Variants in ERP44 observed in about 807,000 individuals in gnomAD.
ERP44 encodes the protein endoplasmic reticulum resident protein 44.
Under a neutral mutation model 53.4 loss-of-function variants are expected in ERP44, and 25 were observed. The ratio of observed to expected loss-of-function variants is 0.47; its 90% CI spans 0.34 to 0.65. ERP44 has a LOEUF of 0.65. Among genes scored for constraint, ERP44 ranks in the 30% least tolerant of loss-of-function variants. The pLI, the probability that ERP44 is intolerant of heterozygous loss-of-function variation, is 0.01. For synonymous variants in ERP44, 145 were observed against 161.2 expected (o/e 0.90, Z 0.76); for missense variants, 338 against 493.2 (o/e 0.69, Z 2.98).
intron 4 of ERP44, among the ~76,000 whole-genome samples, chr9:100,035,635 A>T (rs934603029): frequency 6.6e-6 from 1 of 152,210 alleles, no homozygotes; most frequent in African/African-American, 2.4e-5. Flanking sequence ...GGATTGTGCC[A>T]TTGCACTCCA....
At chr9:100,002,163 T>G (rs1230643927) in intron 10 of ERP44, among the ~76,000 whole-genome samples, 1 of 151,628 alleles carries the variant, frequency 6.6e-6, no homozygotes, top group Non-Finnish European at 1.5e-5. Context: ...TACTCTACCC[T>G]CCTCACATTT....
At chr9:100,018,228 C>G (rs1345125239) in intron 7 of ERP44, 28 bp downstream of exon 7, 1 of 1,340,312 alleles carries the variant, frequency 7.5e-7, no homozygotes, top group East Asian at 2.3e-5. Flanking sequence ...TATATCTTAT[C>G]ATACAACATT....
chr9:99,980,788 T>C lies in ERP44; in HGVS notation c.*1824A>G, dbSNP rs1830140932. ...AAGCCCAATATGCATGAATGCTAAG[T>C]AATACTTCCTCAAATCAACTCCCTT... On this transcript the variant is annotated 3_prime_UTR_variant, in exon 12 of 12. Coordinates refer to ENST00000262455, the MANE Select transcript of ERP44 (RefSeq NM_015051.3). 6.6e-6 allele frequency: 1 copy of C among 152,222 alleles called. No individual in the cohort carries two copies. The highest frequency in any genetic ancestry group is 1.5e-5 in the Non-Finnish European group (1 of 68,032). 9.4% of individuals were successfully genotyped at this position (152,222 alleles called of 1,614,324 possible).
intron 4 of ERP44, among the ~76,000 whole-genome samples, chr9:100,030,155 T>C (rs1384756808): frequency 6.6e-6 from 1 of 152,210 alleles, no homozygotes; most frequent in Non-Finnish European, 1.5e-5. Context: ...GCTCTGCCTA[T>C]GGAGTAGCCA....
intron 1 of ERP44, among the ~76,000 whole-genome samples, chr9:100,072,591 T>C (rs1404209514): frequency 1.3e-5 from 2 of 152,198 alleles, no homozygotes; most frequent in East Asian, 3.9e-4. Flanking sequence ...GGAGCGATCT[T>C]GGCTCACTGC....
At chr9:99,986,835 G>A (rs1445256137) in intron 10 of ERP44, among the ~76,000 whole-genome samples, 1 of 152,240 alleles carries the variant, frequency 6.6e-6, no homozygotes, top group East Asian at 1.9e-4. Context: ...ATGCACCAGA[G>A]ATAAACATTG....
intron 3 of ERP44, among the ~76,000 whole-genome samples, chr9:100,053,954 T>C (rs1016310333): frequency 6.6e-6 from 1 of 152,212 alleles, no homozygotes; most frequent in Non-Finnish European, 1.5e-5. Flanking sequence ...AATAAAAATA[T>C]TGGAAAGCCT....
chr9:100,026,581 A>G (rs984021878), intron 4 of ERP44, among the ~76,000 whole-genome samples: 1 of 152,264 alleles, frequency 6.6e-6, no homozygotes, highest in Non-Finnish European at 1.5e-5. Flanking sequence ...GTTACAAATT[A>G]AAACTCCCAG....
intron 10 of ERP44, among the ~76,000 whole-genome samples, chr9:99,992,423 T>C (rs916062710): frequency 6.6e-6 from 1 of 152,166 alleles, no homozygotes; most frequent in Non-Finnish European, 1.5e-5. Flanking sequence ...AACCACAGGA[T>C]TATCTCAATA....
chr9:100,060,076 C>T (rs1826126961), intron 2 of ERP44, 24 bp downstream of exon 2: 3 of 1,415,120 alleles, frequency 2.1e-6, no homozygotes, highest in African/African-American at 1.5e-5. Flanking sequence ...AAAGAGTACA[C>T]TTTAAAAATA....
chr9:100,090,874 T>G (rs1826547126), intron 1 of ERP44, among the ~76,000 whole-genome samples: 1 of 152,238 alleles, frequency 6.6e-6, no homozygotes, highest in African/African-American at 2.4e-5. Flanking sequence ...TAATCTATAT[T>G]CCTAATGACC....
chr9:100,013,244 C>G (rs1278677461), intron 8 of ERP44, among the ~76,000 whole-genome samples: 1 of 152,084 alleles, frequency 6.6e-6, no homozygotes, highest in Non-Finnish European at 1.5e-5. Context: ...TGAAATTATA[C>G]TCTTTCTTAA....
chr9:100,007,992 G>A (rs1171837566), intron 8 of ERP44, among the ~76,000 whole-genome samples: 1 of 152,184 alleles, frequency 6.6e-6, no homozygotes, highest in African/African-American at 2.4e-5. Context: ...TTAGGCTGTT[G>A]AATTCATGAC....
chr9:100,093,015 T>A (rs148355117), intron 1 of ERP44, among the ~76,000 whole-genome samples: 310 of 152,288 alleles, frequency 2.0e-3, no homozygotes, highest in African/African-American at 7.0e-3. Flanking sequence ...TGAGAATGTA[T>A]CTGAACATTT....
chr9:100,049,287 C>CT (rs1470458955), intron 4 of ERP44, among the ~76,000 whole-genome samples: 2 of 152,056 alleles, frequency 1.3e-5, no homozygotes, highest in African/African-American at 4.8e-5. Flanking sequence ...GCACATGCTA[C>CT]TTGGGGGGCT....
intron 4 of ERP44, among the ~76,000 whole-genome samples, chr9:100,047,972 A>G (rs1825993700): frequency 2.0e-5 from 3 of 152,126 alleles, no homozygotes; most frequent in Non-Finnish European, 4.4e-5. Flanking sequence ...ATGACCAATA[A>G]GCATGTGAAA....
intron 8 of ERP44, among the ~76,000 whole-genome samples, chr9:100,015,142 A>C (rs1445335872): frequency 1.3e-5 from 2 of 152,210 alleles, no homozygotes; most frequent in African/African-American, 4.8e-5. Flanking sequence ...CAACATATGA[A>C]TATTAGGACA....
chr9:100,001,472 C>A (rs1384246115), intron 10 of ERP44, among the ~76,000 whole-genome samples: 2 of 152,120 alleles, frequency 1.3e-5, no homozygotes, highest in Non-Finnish European at 2.9e-5. Context: ...ATTATAGTCT[C>A]CTTTCAGATC....
At chr9:100,060,219 C>T (rs768697618) in intron 1 of ERP44, 47 bp from the exon 2 acceptor site, 3 of 1,391,140 alleles carry the variant, frequency 2.2e-6, no homozygotes, top group Non-Finnish European at 2.8e-6. Flanking sequence ...CCACAAAAGA[C>T]AAATACGTAA....
Sources: gnomAD v4.1 joint callset for allele counts (sites outside exome capture counted in the v4.1 genomes callset) on GRCh38, gnomAD v4.1.1 for gene constraint, MANE v1.5 for transcripts, NCBI Gene and HGNC (gene_info 2026-07-23, HGNC 2026-07-21) for gene names.